The following NRXN3 variants were observed in gnomAD, a reference collection of about 807,000 sequenced individuals.
NRXN3 encodes neurexin 3, also known as neurexin III.
NRXN3 carries 32 observed loss-of-function variants against 137.6 expected under a neutral mutation model. The observed-to-expected ratio is 0.23, with a 90% CI of 0.18 to 0.31. NRXN3 has a LOEUF of 0.31. Ranked by LOEUF, NRXN3 falls within the 10% of genes least tolerant of loss-of-function variation. The probability of loss-of-function intolerance (pLI) is 1.00; values close to 1 mark genes in which losing one functional copy is unlikely to be tolerated. For missense variants in NRXN3, 1,574 were observed against 2,062.5 expected (o/e 0.76, Z 4.59); for synonymous variants, 798 against 784.5 (o/e 1.02, Z -0.29).
chr14:79,584,218 G>T (rs2097746097), intron 16 of NRXN3, among the ~76,000 whole-genome samples: 1 of 152,092 alleles, frequency 6.6e-6, no homozygotes, highest in Admixed American at 6.6e-5. Context: ...TCTTTTAGTG[G>T]ATTCAGCCAA....
chr14:79,111,968 T>G (rs2053607131), intron 15 of NRXN3, among the ~76,000 whole-genome samples: 1 of 152,180 alleles, frequency 6.6e-6, no homozygotes, highest in East Asian at 1.9e-4. Context: ...TGTGCATGAC[T>G]AAGTTAACTA....
rs376193080 is a variant in NRXN3 at position 78,637,374 on chromosome 14, T to C, written c.758-7746T>C. On this transcript the variant is annotated intron_variant, in intron 4 of 20. Coordinates refer to ENST00000335750, the MANE Select transcript of NRXN3 (RefSeq NM_001330195.2). ...ACCTCCTGTATGGAAACTTCTCTTA[T>C]GCCCAGGGTCAGTTATTCCCTCTTC... is the stretch of plus-strand genomic sequence containing the variant. Among the ~76,000 whole-genome samples the C allele has an allele frequency of 3.9e-4, 59 of 152,358 alleles. 1 individual carries two copies. In the South Asian group the frequency reaches 0.012, roughly 31 times the overall value.
Position 78,645,373 on chromosome 14 carries a change from C to T in NRXN3, c.1011C>T (p.Phe337=). The T allele has an allele frequency of 6.3e-7, 1 of 1,597,544 alleles. No homozygotes were observed. The highest frequency in any genetic ancestry group is 8.5e-7 in the Non-Finnish European group (1 of 1,178,716). The part of the protein sequence containing the change: ...EAIVEPVNGK[F]NDNAWHDVKV... ...TTGTGGAGCCAGTGAATGGAAAATT[C>T]AACGACAACGCCTGGCATGATGTCA... The change falls in exon 5 of 21, where the codon TTC becomes TTT. Residue 337 remains phenylalanine (F), a synonymous_variant. Transcript: ENST00000335750.
chr14:78,454,522 C>T (rs968761435), intron 4 of NRXN3, among the ~76,000 whole-genome samples: 8 of 152,178 alleles, frequency 5.3e-5, no homozygotes, highest in Non-Finnish European at 7.3e-5. Context: ...CCAGGTGATT[C>T]TAATGTGTAG....
At chr14:78,215,033 A>G (rs1177559687) in intron 1 of NRXN3, among the ~76,000 whole-genome samples, 1 of 152,128 alleles carries the variant, frequency 6.6e-6, no homozygotes, top group Non-Finnish European at 1.5e-5. Flanking sequence ...TTGAATATTA[A>G]ATGAGATAAT....
intron 19 of NRXN3, among the ~76,000 whole-genome samples, chr14:79,761,500 C>T (rs1327200545): frequency 1.3e-5 from 2 of 151,354 alleles, no homozygotes; most frequent in African/African-American, 4.9e-5. Flanking sequence ...TGGATCTCAT[C>T]CTGGCCAACA....
chr14:79,030,347 T>G (rs1316992384), intron 15 of NRXN3, among the ~76,000 whole-genome samples: 1 of 152,008 alleles, frequency 6.6e-6, no homozygotes, highest in African/African-American at 2.4e-5. Context: ...GATAGACTGT[T>G]GTTAAACCAT....
intron 15 of NRXN3, among the ~76,000 whole-genome samples, chr14:79,353,532 T>C (rs1392250726): frequency 6.6e-6 from 1 of 152,078 alleles, no homozygotes; most frequent in Non-Finnish European, 1.5e-5. Context: ...TCATGTATCA[T>C]AAATAAAAAC....
chr14:79,367,647 A>G (rs2093945911), intron 15 of NRXN3, among the ~76,000 whole-genome samples: 1 of 152,196 alleles, frequency 6.6e-6, no homozygotes, highest in Admixed American at 6.5e-5. Flanking sequence ...TATTTGCATT[A>G]TTGTTATTAT....
chr14:79,279,925 G>T (rs2080977353), intron 15 of NRXN3: 1 of 1,067,784 alleles, frequency 9.4e-7, no homozygotes, highest in Non-Finnish European at 1.1e-6. Flanking sequence ...GCTCCCGGGA[G>T]TGTGCGGTTA....
intron 15 of NRXN3, among the ~76,000 whole-genome samples, chr14:79,164,851 G>C (rs1317187757): frequency 6.6e-6 from 1 of 151,864 alleles, no homozygotes; most frequent in African/African-American, 2.4e-5. Context: ...TCTAGACAAG[G>C]CCACATGCAT....
intron 19 of NRXN3, among the ~76,000 whole-genome samples, chr14:79,765,775 T>C (rs1164945865): frequency 1.3e-5 from 2 of 152,214 alleles, no homozygotes; most frequent in Admixed American, 6.5e-5. Flanking sequence ...GAACTCATCT[T>C]CTCTGGCGGT....
intron 3 of NRXN3, among the ~76,000 whole-genome samples, chr14:78,294,538 AGAGT>A (rs1335101447): frequency 6.9e-6 from 1 of 145,630 alleles, no homozygotes; most frequent in Non-Finnish European, 1.5e-5. Flanking sequence ...CCTGGGCAAC[AGAGT>A]GAGATTCCGT....
chr14:79,702,949 T>C (rs1265391520), intron 19 of NRXN3, among the ~76,000 whole-genome samples: 1 of 151,120 alleles, frequency 6.6e-6, no homozygotes, highest in Non-Finnish European at 1.5e-5. Flanking sequence ...GCTCAGTGTG[T>C]TCTGTGCAAA....
At chr14:78,654,534 G>A (rs1227647621) in intron 6 of NRXN3, among the ~76,000 whole-genome samples, 2 of 152,196 alleles carry the variant, frequency 1.3e-5, no homozygotes, top group African/African-American at 4.8e-5. Flanking sequence ...TTCTGGCTCC[G>A]TGATTGTGCC....
chr14:79,802,004 A>G (rs923702677), intron 19 of NRXN3, among the ~76,000 whole-genome samples: 1 of 151,752 alleles, frequency 6.6e-6, no homozygotes, highest in African/African-American at 2.4e-5. Flanking sequence ...GCTGAGAGGA[A>G]GACAGTATCT....
chr14:79,556,094 G>A (rs150884059), intron 16 of NRXN3, among the ~76,000 whole-genome samples: 4 of 152,204 alleles, frequency 2.6e-5, no homozygotes, highest in Non-Finnish European at 5.9e-5. Flanking sequence ...CACAGACACC[G>A]TTTTAATCCA....
intron 4 of NRXN3, among the ~76,000 whole-genome samples, chr14:78,588,091 G>C (rs907711549): frequency 2.0e-5 from 3 of 151,844 alleles, no homozygotes; most frequent in Non-Finnish European, 4.4e-5. Flanking sequence ...GGAAATAAAT[G>C]AGAGGGATTT....
At chr14:79,805,527 TCA>T (rs1013628950) in intron 20 of NRXN3, among the ~76,000 whole-genome samples, 8 of 152,158 alleles carry the variant, frequency 5.3e-5, no homozygotes, top group African/African-American at 1.7e-4. Flanking sequence ...GCTATGAAAT[TCA>T]CAGAGGGTGG....
Sources: gnomAD v4.1 joint callset for allele counts (sites outside exome capture counted in the v4.1 genomes callset) on GRCh38, gnomAD v4.1.1 for gene constraint, MANE v1.5 for transcripts, NCBI Gene and HGNC (gene_info 2026-07-23, HGNC 2026-07-21) for gene names.